The following WDPCP variants were observed in gnomAD, a reference collection of about 807,000 sequenced individuals.
WDPCP encodes WD repeat containing planar cell polarity effector, also known as WD repeat-containing and planar cell polarity effector protein fritz homolog.
A neutral mutation model predicts 93.1 loss-of-function variants in WDPCP; 71 were observed. The observed-to-expected ratio is 0.76, with a 90% CI of 0.63 to 0.93. The LOEUF is 0.93. WDPCP is among the 40% of genes least tolerant of loss of function. The pLI is 0.00. For missense variants in WDPCP, 844 were observed against 887.4 expected (o/e 0.95, Z 0.62); for synonymous variants, 315 against 315.0 (o/e 1.00, Z 0.00).
the WDPCP span, among the ~76,000 whole-genome samples, chr2:63,835,763 T>G: frequency 6.6e-6 from 1 of 152,218 alleles, no homozygotes; most frequent in Non-Finnish European, 1.5e-5. Context: ...GTAGTTACCT[T>G]TTATTCTCTA....
At chr2:63,733,619 T>C (rs915027861) in intron 2 of WDPCP, among the ~76,000 whole-genome samples, 1 of 152,248 alleles carries the variant, frequency 6.6e-6, no homozygotes, top group Non-Finnish European at 1.5e-5. Flanking sequence ...ACACAGTGAC[T>C]AGCAAGGGCA....
At chr2:63,580,069 T>C (rs973459906) in intron 1 of WDPCP, among the ~76,000 whole-genome samples, 2 of 152,176 alleles carry the variant, frequency 1.3e-5, no homozygotes, top group Non-Finnish European at 2.9e-5. Flanking sequence ...TGCCACACTC[T>C]TGGACTTCCA....
At chr2:63,230,435 C>G (rs1228393426) in intron 14 of WDPCP, among the ~76,000 whole-genome samples, 1 of 152,088 alleles carries the variant, frequency 6.6e-6, no homozygotes, top group East Asian at 1.9e-4. Flanking sequence ...GATTTATAAT[C>G]CTTTGGGTAT....
chr2:63,597,605 C>CATT, intron 3 of WDPCP: 1 of 1,330,618 alleles, frequency 7.5e-7, no homozygotes, highest in African/African-American at 1.5e-5. Context: ...TGGGATTTTT[C>CATT]ATTATTAGCA....
At chr2:63,706,961 C>G (rs1669165708) in intron 2 of WDPCP, among the ~76,000 whole-genome samples, 1 of 152,204 alleles carries the variant, frequency 6.6e-6, no homozygotes, top group African/African-American at 2.4e-5. Flanking sequence ...GCCCCCCACT[C>G]TCTTCTGGCT....
intron 2 of WDPCP, among the ~76,000 whole-genome samples, chr2:63,744,331 G>T (rs776197857): frequency 3.3e-5 from 5 of 152,042 alleles, no homozygotes; most frequent in African/African-American, 7.2e-5. Flanking sequence ...GCTGGCCTTT[G>T]GTTCAGAATG....
chr2:63,587,032 G>GA (rs1708889355), intron 1 of WDPCP, among the ~76,000 whole-genome samples: 2 of 152,158 alleles, frequency 1.3e-5, no homozygotes, highest in African/African-American at 4.8e-5. Flanking sequence ...CAACAACATG[G>GA]AAAAATCTTT....
At chr2:63,556,047 C>T (rs1706091996) in intron 1 of WDPCP, among the ~76,000 whole-genome samples, 1 of 152,170 alleles carries the variant, frequency 6.6e-6, no homozygotes, top group Non-Finnish European at 1.5e-5. Context: ...TAACAAACTT[C>T]TCTAAGCTAA....
chr2:63,354,647 CATATATGTGTGTGTAT>C (rs952012741), intron 12 of WDPCP, among the ~76,000 whole-genome samples: 5 of 152,106 alleles, frequency 3.3e-5, no homozygotes, highest in South Asian at 2.1e-4. Flanking sequence ...CCCCCACACA[CATATATGTGTGTGTAT>C]ATATATGTGT....
At chr2:63,738,832 G>C (rs575545110) in intron 2 of WDPCP, among the ~76,000 whole-genome samples, 2 of 151,842 alleles carry the variant, frequency 1.3e-5, no homozygotes, top group East Asian at 3.9e-4. Context: ...CTACCACCTA[G>C]AGCAAGAAAG....
chr2:63,551,003 A>T (rs1241664011), intron 1 of WDPCP, among the ~76,000 whole-genome samples: 2 of 152,178 alleles, frequency 1.3e-5, no homozygotes, highest in Non-Finnish European at 1.5e-5. Context: ...CCTACGTATA[A>T]GTCTTTTGTC....
At chr2:63,449,833 G>A (rs1197972964) in intron 6 of WDPCP, among the ~76,000 whole-genome samples, 1 of 152,070 alleles carries the variant, frequency 6.6e-6, no homozygotes, top group Non-Finnish European at 1.5e-5. Flanking sequence ...ACTGCATCCT[G>A]CCCTGAAAAC....
At chr2:63,466,432 G>A (rs962271207) in intron 6 of WDPCP, among the ~76,000 whole-genome samples, 1 of 151,724 alleles carries the variant, frequency 6.6e-6, no homozygotes, top group African/African-American at 2.4e-5. Flanking sequence ...CAAATATCAC[G>A]AATATAAATT....
chr2:63,411,741 C>T (rs1185923088), intron 9 of WDPCP, among the ~76,000 whole-genome samples: 3 of 152,132 alleles, frequency 2.0e-5, no homozygotes, highest in African/African-American at 7.2e-5. Context: ...TTCAAGGCTA[C>T]TGTGAACACC....
chr2:63,136,930 T>C (rs1670663182), intron 17 of WDPCP, among the ~76,000 whole-genome samples: 1 of 152,224 alleles, frequency 6.6e-6, no homozygotes, highest in African/African-American at 2.4e-5. Context: ...ATGGTATATA[T>C]GTACCACATT....
chr2:63,825,458 G>A (rs1213935621), intron 1 of WDPCP, among the ~76,000 whole-genome samples: 1 of 152,040 alleles, frequency 6.6e-6, no homozygotes, highest in Non-Finnish European at 1.5e-5. Context: ...TAGAACCCAT[G>A]AGACCTGGGA....
chr2:63,205,939 C>A (rs768795667), intron 14 of WDPCP, among the ~76,000 whole-genome samples: 2 of 152,074 alleles, frequency 1.3e-5, no homozygotes, highest in African/African-American at 4.8e-5. Flanking sequence ...TTTTCTCATT[C>A]GGTATGTTAC....
At chr2:63,440,867 G>C (rs1358204014) in intron 6 of WDPCP, 2 of 152,474 alleles carry the variant, frequency 1.3e-5, no homozygotes. Context: ...CACCCACCTA[G>C]GCATCATGTC....
At chr2:63,810,703 T>A (rs1670851497) in intron 2 of WDPCP, among the ~76,000 whole-genome samples, 1 of 152,262 alleles carries the variant, frequency 6.6e-6, no homozygotes, top group South Asian at 2.1e-4. Context: ...CCATATTTTT[T>A]ATACCTATTA....
Sources: gnomAD v4.1 joint callset for allele counts (sites outside exome capture counted in the v4.1 genomes callset) on GRCh38, gnomAD v4.1.1 for gene constraint, MANE v1.5 for transcripts, NCBI Gene and HGNC (gene_info 2026-07-23, HGNC 2026-07-21) for gene names.